Variants in LRRC20 observed in about 807,000 individuals in gnomAD.
LRRC20 encodes leucine-rich repeat-containing protein 20.
LRRC20 carries 11 observed loss-of-function variants against 14.4 expected under a neutral mutation model. The observed-to-expected ratio is 0.77, with a 90% CI of 0.48 to 1.27. LRRC20 has a LOEUF of 1.27. Among genes scored for constraint, LRRC20 ranks in the 50% most tolerant of loss-of-function variants. The probability of loss-of-function intolerance (pLI) is 0.00; values close to 1 mark genes in which losing one functional copy is unlikely to be tolerated. For synonymous variants in LRRC20, 121 were observed against 107.3 expected, an observed-to-expected ratio of 1.13 and a Z score of -0.79; for missense variants, 219 against 251.2, an observed-to-expected ratio of 0.87 and a Z score of 0.87.
At chr10:70,346,858 C>A (rs976887343) in intron 2 of LRRC20, among the ~76,000 whole-genome samples, 2 of 152,128 alleles carry the variant, frequency 1.3e-5, no homozygotes, top group African/African-American at 4.8e-5. Context: ...TGATACTTTA[C>A]TTTTAAAATA....
intron 3 of LRRC20, among the ~76,000 whole-genome samples, chr10:70,331,755 C>T (rs10999272): frequency 0.038 from 5,710 of 152,262 alleles, 165 homozygotes; most frequent in East Asian, 0.096. Context: ...ATTCCACTCC[C>T]AACGTTGTAC....
chr10:70,349,916 T>C (rs1843230544), intron 2 of LRRC20, among the ~76,000 whole-genome samples: 1 of 152,096 alleles, frequency 6.6e-6, no homozygotes, highest in South Asian at 2.1e-4. Flanking sequence ...ATGTTTAGGG[T>C]CACCCTAGAT....
In LRRC20 at chr10:70,300,310, T is replaced by A. The variant is rs1488850718; in HGVS notation, c.*1044A>T. The A allele has an allele frequency of 1.0e-6, 1 of 962,462 alleles. No individual in the cohort carries two copies. The highest frequency in any genetic ancestry group is 1.1e-4 in the East Asian group (1 of 8,700). 59.6% of individuals were successfully genotyped at this position (962,462 alleles called of 1,614,324 possible). A position where few individuals can be genotyped will look rare whatever the true frequency, so the allele number is the denominator to read the frequency against. ...CAGTTTTAGCATTGAAAGTTCCATG[T>A]CCTGGGAAACCAGGACAGCTGGTCA... On this transcript the variant is annotated 3_prime_UTR_variant, in exon 5 of 5. Coordinates refer to ENST00000446961, the MANE Select transcript of LRRC20 (RefSeq NM_001278212.2).
At chr10:70,348,007 G>A (rs941017706) in intron 2 of LRRC20, among the ~76,000 whole-genome samples, 1 of 152,128 alleles carries the variant, frequency 6.6e-6, no homozygotes, top group Non-Finnish European at 1.5e-5. Flanking sequence ...GCCCTCCTGT[G>A]TGCCAGGTAC....
chr10:70,303,071 C>T (rs1162683817), intron 4 of LRRC20, among the ~76,000 whole-genome samples: 3 of 151,658 alleles, frequency 2.0e-5, no homozygotes, highest in African/African-American at 7.3e-5. Context: ...TATATTTTAT[C>T]ACAATTAAAA....
At chr10:70,348,501 G>A (rs1843163084) in intron 2 of LRRC20, among the ~76,000 whole-genome samples, 1 of 152,166 alleles carries the variant, frequency 6.6e-6, no homozygotes, top group African/African-American at 2.4e-5. Context: ...ATGTAAGTAC[G>A]AACTATCCCC....
chr10:70,346,642 A>G (rs1362310452), intron 2 of LRRC20, among the ~76,000 whole-genome samples: 1 of 152,216 alleles, frequency 6.6e-6, no homozygotes, highest in South Asian at 2.1e-4. Flanking sequence ...CCATATGCAC[A>G]TTGTAATTCC....
Position 70,355,906 on chromosome 10 carries a change from C to T in LRRC20, c.83-15204G>A, listed in dbSNP as rs1301928888. ...GACACCCCTCTGACAAACGCACACA[C>T]GAATCCTGCATCTCAGAGGTGCCTT... On this transcript the variant is annotated intron_variant, in intron 2 of 4. Coordinates refer to ENST00000446961, the MANE Select transcript of LRRC20 (RefSeq NM_001278212.2). 2.0e-5 allele frequency among the ~76,000 whole-genome samples: 3 copies of T among 147,040 alleles called. No individual in the cohort carries two copies. The East Asian group carries it at 6.0e-4, about 30-fold the overall frequency.
intron 2 of LRRC20, among the ~76,000 whole-genome samples, chr10:70,366,532 G>GA (rs1467197688): frequency 2.0e-5 from 3 of 151,872 alleles, no homozygotes; most frequent in Non-Finnish European, 2.9e-5. Flanking sequence ...TATAAAAAAA[G>GA]AAAAAATAAA....
At chr10:70,329,686 C>T (rs546848912) in intron 3 of LRRC20, among the ~76,000 whole-genome samples, 2 of 151,976 alleles carry the variant, frequency 1.3e-5, no homozygotes, top group Admixed American at 6.6e-5. Context: ...CTCAGCCTCC[C>T]GAGTAGCTGG....
chr10:70,362,328 T>C (rs909871318), intron 2 of LRRC20, among the ~76,000 whole-genome samples: 4 of 152,286 alleles, frequency 2.6e-5, no homozygotes, highest in African/African-American at 9.6e-5. Context: ...AAAGGACTGA[T>C]AGTCTGGGCT....
Position 70,340,626 on chromosome 10 carries a change from G to A in LRRC20, c.159C>T (p.His53=). ...GCTCGTTGTTAGCCAGGGTGATGAG[G>A]TGGATCTGGCCAGAGACATTCCGCA... ...KVLRNVSGQI[H]LITLANNELK... is the part of the protein sequence containing the mutation. The change falls in exon 3 of 5, where the codon CAC becomes CAT. Residue 53 remains histidine (H), a synonymous_variant. Coordinates refer to ENST00000446961, the MANE Select transcript of LRRC20 (RefSeq NM_001278212.2). 3 of 1,614,206 alleles carry A rather than the reference G, an allele frequency of 1.9e-6. No homozygotes were observed. The highest frequency in any genetic ancestry group is 2.5e-6 in the Non-Finnish European group (3 of 1,180,014).
At chr10:70,323,133 AC>A (rs1374566549) in intron 4 of LRRC20, among the ~76,000 whole-genome samples, 1 of 152,130 alleles carries the variant, frequency 6.6e-6, no homozygotes, top group Non-Finnish European at 1.5e-5. Flanking sequence ...GGGCTGAGCC[AC>A]TGAAGGAGGG....
intron 3 of LRRC20, 142 bp from the exon 4 acceptor site, chr10:70,324,172 G>C: frequency 1.4e-6 from 1 of 701,188 alleles, no homozygotes; most frequent in East Asian, 2.7e-5. Context: ...GCCCCGCACA[G>C]GGCTGATTCC....
chr10:70,347,070 G>A (rs999287450), intron 2 of LRRC20, among the ~76,000 whole-genome samples: 6 of 152,246 alleles, frequency 3.9e-5, no homozygotes, highest in East Asian at 3.9e-4. Context: ...ATTTTTAGTA[G>A]AGACAGTGTT....
chr10:70,318,946 A>G (rs778561094), intron 4 of LRRC20, among the ~76,000 whole-genome samples: 65 of 151,934 alleles, frequency 4.3e-4, no homozygotes, highest in Middle Eastern at 6.8e-3. Context: ...AGCTGGAACT[A>G]CAGGTTCACA....
At chr10:70,334,431 C>T (rs766983182) in intron 3 of LRRC20, among the ~76,000 whole-genome samples, 1 of 152,140 alleles carries the variant, frequency 6.6e-6, no homozygotes, top group Non-Finnish European at 1.5e-5. Flanking sequence ...TTCCCTTGCT[C>T]CCCGGGTTTG....
intron 1 of LRRC20, among the ~76,000 whole-genome samples, chr10:70,381,094 G>C (rs182867609): frequency 6.6e-6 from 1 of 152,212 alleles, no homozygotes; most frequent in Non-Finnish European, 1.5e-5. Flanking sequence ...TCTGTGTAGC[G>C]AACTAAGAGA....
At chr10:70,313,404 C>T (rs1378130928) in intron 4 of LRRC20, among the ~76,000 whole-genome samples, 1 of 152,064 alleles carries the variant, frequency 6.6e-6, no homozygotes, top group Non-Finnish European at 1.5e-5. Context: ...TGGTGCACAC[C>T]TGGGGCAGAA....
Sources: gnomAD v4.1 joint callset for allele counts (sites outside exome capture counted in the v4.1 genomes callset) on GRCh38, gnomAD v4.1.1 for gene constraint, MANE v1.5 for transcripts, NCBI Gene and HGNC (gene_info 2026-07-23, HGNC 2026-07-21) for gene names.